Variants in SMYD3 observed in about 807,000 individuals in gnomAD.
The protein encoded by SMYD3 is SET and MYND domain containing 3.
SMYD3 carries 36 observed loss-of-function variants against 57.7 expected under a neutral mutation model. That is an observed-to-expected ratio of 0.62 (90% CI 0.48 to 0.82). The LOEUF is 0.82. SMYD3 is among the 40% of genes least tolerant of loss of function. SMYD3 has a pLI of 0.00. For synonymous variants in SMYD3, 211 were observed against 195.0 expected (o/e 1.08, Z -0.68); for missense variants, 515 against 538.8 (o/e 0.96, Z 0.44).
intron 5 of SMYD3, among the ~76,000 whole-genome samples, chr1:245,934,091 T>C (rs566344516): frequency 9.2e-5 from 14 of 152,350 alleles, no homozygotes; most frequent in Non-Finnish European, 1.6e-4. Context: ...TCCAAGACCA[T>C]CTGCATCTCC....
chr1:246,124,756 T>G (rs998795130), intron 5 of SMYD3, among the ~76,000 whole-genome samples: 2 of 152,150 alleles, frequency 1.3e-5, no homozygotes, highest in Non-Finnish European at 2.9e-5. Context: ...TGGTTGAGAA[T>G]GTATCTGATG....
chr1:246,059,565 C>T (rs1211547023), intron 5 of SMYD3, among the ~76,000 whole-genome samples: 1 of 152,078 alleles, frequency 6.6e-6, no homozygotes, highest in East Asian at 1.9e-4. Context: ...TCTTGTGAGT[C>T]TAAACTGAAA....
chr1:246,248,375 C>T (rs2063742607), intron 5 of SMYD3, among the ~76,000 whole-genome samples: 1 of 152,130 alleles, frequency 6.6e-6, no homozygotes, highest in African/African-American at 2.4e-5. Context: ...TTCAAATCTG[C>T]CCAGATCATC....
intron 5 of SMYD3, among the ~76,000 whole-genome samples, chr1:246,135,719 G>A (rs539114584): frequency 6.6e-6 from 1 of 152,098 alleles, no homozygotes; most frequent in African/African-American, 2.4e-5. Context: ...TATATGAACA[G>A]AGTAGAAATA....
chr1:245,837,205 T>C (rs1269328501), intron 10 of SMYD3, among the ~76,000 whole-genome samples: 3 of 146,042 alleles, frequency 2.1e-5, no homozygotes, highest in South Asian at 2.2e-4. Flanking sequence ...GCACCTGTAA[T>C]CCCAGCTACT....
chr1:246,076,495 T>TA (rs143412507), intron 5 of SMYD3, among the ~76,000 whole-genome samples: 15,013 of 151,626 alleles, frequency 0.099, 2,267 homozygotes, highest in African/African-American at 0.33. Flanking sequence ...CCTCTGGGTT[T>TA]AAAAAAAAAT....
At chr1:246,095,207 C>A (rs1021181129) in intron 5 of SMYD3, among the ~76,000 whole-genome samples, 2 of 152,220 alleles carry the variant, frequency 1.3e-5, no homozygotes, top group African/African-American at 2.4e-5. Flanking sequence ...CTTCATACTT[C>A]TTTCCTTCAC....
chr1:246,378,759 A>ATT (rs1170037036), intron 1 of SMYD3, among the ~76,000 whole-genome samples: 6 of 105,358 alleles, frequency 5.7e-5, no homozygotes, highest in African/African-American at 2.6e-4. Context: ...TAATATATTT[A>ATT]ATATATTATA....
intron 8 of SMYD3, among the ~76,000 whole-genome samples, chr1:245,870,552 A>G (rs893558334): frequency 1.3e-5 from 2 of 152,174 alleles, no homozygotes; most frequent in Non-Finnish European, 2.9e-5. Context: ...TCCTTCATCC[A>G]TAGCTGCTGA....
chr1:246,471,487 A>G (rs931687036), intron 1 of SMYD3, among the ~76,000 whole-genome samples: 5 of 152,182 alleles, frequency 3.3e-5, no homozygotes, highest in African/African-American at 1.2e-4. Flanking sequence ...GTGAGCCACC[A>G]TGCCTGGCCC....
chr1:246,008,532 G>A (rs2059218153), intron 5 of SMYD3, among the ~76,000 whole-genome samples: 2 of 152,198 alleles, frequency 1.3e-5, no homozygotes, highest in South Asian at 4.1e-4. Context: ...CATAAGAGCT[G>A]TAAGAATGCC....
intron 1 of SMYD3, 61 bp downstream of exon 1, chr1:246,506,993 C>CCCCCCCCCCCCCCCCCCCCCCA: frequency 1.1e-6 from 1 of 884,054 alleles, no homozygotes. Context: ...CCCGACGCCC[C>CCCCCCCCCCCCCCCCCCCCCCA]CCCCTCCCCA....
chr1:246,488,716 C>T (rs1013860904), intron 1 of SMYD3, among the ~76,000 whole-genome samples: 1 of 152,108 alleles, frequency 6.6e-6, no homozygotes, highest in African/African-American at 2.4e-5. Context: ...AGATTTTAAG[C>T]AGGCTGTTAT....
chr1:245,947,876 G>A (rs1444246848), intron 5 of SMYD3, among the ~76,000 whole-genome samples: 4 of 152,088 alleles, frequency 2.6e-5, no homozygotes, highest in Admixed American at 2.0e-4. Flanking sequence ...TATACCTCTA[G>A]GTTTCCAGAA....
At chr1:246,002,226 C>T (rs2059065436) in intron 5 of SMYD3, among the ~76,000 whole-genome samples, 1 of 148,870 alleles carries the variant, frequency 6.7e-6, no homozygotes, top group Non-Finnish European at 1.5e-5. Flanking sequence ...GCTCCGTCAC[C>T]CAGGCTGGAG....
At chr1:246,480,008 A>G (rs1165586186) in intron 1 of SMYD3, among the ~76,000 whole-genome samples, 1 of 152,136 alleles carries the variant, frequency 6.6e-6, no homozygotes, top group Non-Finnish European at 1.5e-5. Context: ...TACTCCCCCG[A>G]CCCTTGTTTG....
chr1:246,102,750 A>AT (rs2061038188), intron 5 of SMYD3, among the ~76,000 whole-genome samples: 1 of 150,592 alleles, frequency 6.6e-6, no homozygotes, highest in African/African-American at 2.5e-5. Context: ...TCTCAAAAAA[A>AT]AAAAAAATAA....
At chr1:246,118,916 T>G (rs984495058) in intron 5 of SMYD3, among the ~76,000 whole-genome samples, 3 of 151,214 alleles carry the variant, frequency 2.0e-5, no homozygotes, top group Admixed American at 6.7e-5. Context: ...AGGATGAAAG[T>G]CAGGTGCAGC....
At chr1:245,853,722 GA>G (rs1398032949) in intron 10 of SMYD3, among the ~76,000 whole-genome samples, 2,279 of 60,472 alleles carry the variant, frequency 0.038, 58 homozygotes, top group African/African-American at 0.076. Context: ...TCAAAAAAAG[GA>G]GAAAAAAAAA....
Sources: allele counts gnomAD v4.1 joint callset (sites outside exome capture counted in the v4.1 genomes callset), GRCh38; gene constraint gnomAD v4.1.1; transcripts MANE v1.5; gene names NCBI Gene and HGNC (gene_info 2026-07-23, HGNC 2026-07-21).